DNAH11: variants seen among roughly 807,000 people sequenced by gnomAD.
The protein encoded by DNAH11 is axonemal beta dynein heavy chain 11.
DNAH11 carries 442 observed loss-of-function variants against 526.0 expected under a neutral mutation model. That is an observed-to-expected ratio of 0.84 (90% CI 0.78 to 0.91). The LOEUF is 0.91. Ranked by LOEUF, DNAH11 falls within the 40% of genes least tolerant of loss-of-function variation. The pLI is 0.00. For missense variants in DNAH11, 6,989 were observed against 5,448.7 expected (o/e 1.28, Z -8.90); for synonymous variants, 2,461 against 1,935.9 (o/e 1.27, Z -7.12).
intron 48 of DNAH11, among the ~76,000 whole-genome samples, chr7:21,740,097 G>A (rs1257965077): frequency 6.6e-6 from 1 of 152,128 alleles, no homozygotes; most frequent in Non-Finnish European, 1.5e-5. Context: ...GCTGTTAACA[G>A]TATCATATAG....
chr7:21,745,859 T>C (rs1404024611), intron 51 of DNAH11, among the ~76,000 whole-genome samples: 1 of 152,120 alleles, frequency 6.6e-6, no homozygotes, highest in Non-Finnish European at 1.5e-5. Flanking sequence ...ACCTGAATGA[T>C]AAGTAGGTGC....
rs574427839 is a variant in DNAH11 at position 21,707,773 on chromosome 7, T to A, written c.6621T>A (p.Ala2207=). 189 of 1,612,798 alleles carry A rather than the reference T, an allele frequency of 1.2e-4. 2 individuals are homozygous for A. In the South Asian group the frequency reaches 1.9e-3, roughly 17 times the overall value. ...KPVWNDLNPK[A]VTTDELFGFI... ...TTTGGAATGACTTAAACCCTAAAGC[T>A]GTGACAACAGATGAACTCTTTGGTT... Residue 2207 remains alanine (A), a synonymous_variant, in exon 40 of 82, where the codon GCT becomes GCA. Coordinates refer to ENST00000409508, the MANE Select transcript of DNAH11 (RefSeq NM_001277115.2).
intron 6 of DNAH11, among the ~76,000 whole-genome samples, chr7:21,566,351 T>C (rs1303122461): frequency 2.0e-5 from 3 of 152,144 alleles, no homozygotes; most frequent in Non-Finnish European, 2.9e-5. Context: ...GAACGGCAGA[T>C]TTCAGACTTT....
chr7:21,690,002 C>T (rs574323207), intron 34 of DNAH11, among the ~76,000 whole-genome samples: 9 of 152,350 alleles, frequency 5.9e-5, no homozygotes, highest in African/African-American at 1.9e-4. Flanking sequence ...CAACGCAAAT[C>T]TTTCACTGTT....
At chr7:21,631,371 A>C (rs1786600246) in intron 25 of DNAH11, among the ~76,000 whole-genome samples, 1 of 152,192 alleles carries the variant, frequency 6.6e-6, no homozygotes, top group Admixed American at 6.5e-5. Flanking sequence ...CCTTCCCAAC[A>C]GTCCCCGAAA....
At chr7:21,593,887 T>C (rs1880304) in intron 14 of DNAH11, among the ~76,000 whole-genome samples, 67,266 of 150,568 alleles carry the variant, frequency 0.45, 15,624 homozygotes, top group East Asian at 0.78. Context: ...CCCCTGCCCC[T>C]GCTCCCCCCA....
chr7:21,752,170 G>T (rs1167235514), intron 54 of DNAH11, among the ~76,000 whole-genome samples: 1 of 152,254 alleles, frequency 6.6e-6, no homozygotes, highest in African/African-American at 2.4e-5. Flanking sequence ...GCTAGAATGA[G>T]CATTGTTTGT....
chr7:21,693,072 C>T (rs1034089293), intron 35 of DNAH11, among the ~76,000 whole-genome samples: 1 of 152,046 alleles, frequency 6.6e-6, no homozygotes, highest in Non-Finnish European at 1.5e-5. Flanking sequence ...TTTCTTTTGT[C>T]CATCAAAGAT....
At chr7:21,798,517 A>G (rs1202580132) in intron 61 of DNAH11, among the ~76,000 whole-genome samples, 1 of 152,202 alleles carries the variant, frequency 6.6e-6, no homozygotes, top group Non-Finnish European at 1.5e-5. Context: ...CTTCTCAAAC[A>G]TCTATTTTGT....
intron 62 of DNAH11, among the ~76,000 whole-genome samples, chr7:21,801,628 T>C (rs1583710900): frequency 6.6e-6 from 1 of 152,348 alleles, no homozygotes; most frequent in East Asian, 1.9e-4. Flanking sequence ...TTCCTTTCTT[T>C]CTTACCACAT....
At chr7:21,889,633 T>C (rs1031774949) in intron 76 of DNAH11, among the ~76,000 whole-genome samples, 2 of 152,260 alleles carry the variant, frequency 1.3e-5, no homozygotes, top group Non-Finnish European at 2.9e-5. Flanking sequence ...TTGACTTGCA[T>C]GTCCCTGAAG....
At chr7:21,762,872 C>T (rs540004460) in intron 54 of DNAH11, among the ~76,000 whole-genome samples, 7 of 152,070 alleles carry the variant, frequency 4.6e-5, no homozygotes, top group Non-Finnish European at 1.0e-4. Context: ...GACAAGTGTA[C>T]TACATCAAAC....
intron 71 of DNAH11, 53 bp from the exon 72 acceptor site, chr7:21,867,804 ACT>A: frequency 6.6e-7 from 1 of 1,519,228 alleles, no homozygotes; most frequent in Non-Finnish European, 8.9e-7. Flanking sequence ...CCAAATGGTG[ACT>A]CTTTTCAAGG....
At chr7:21,863,032 C>G (rs1295168494) in intron 69 of DNAH11, among the ~76,000 whole-genome samples, 2 of 147,122 alleles carry the variant, frequency 1.4e-5, no homozygotes, top group Non-Finnish European at 3.0e-5. Flanking sequence ...CCACTGCACT[C>G]CAGCCTGGGC....
rs368383022 is a variant in DNAH11, at chr7:21,710,662, A to G, written c.6793A>G (p.Met2265Val). Reference sequence around the variant, plus strand: ...AGTCCTGGATGGCGATATTGACCCCATGTGGATTGAATCACTGAATACTGT... The same window carrying G: ...AGTCCTGGATGGCGATATTGACCCCGTGTGGATTGAATCACTGAATACTGT... ...WIVLDGDIDP[M>V]WIESLNTVMD... The change falls in exon 41 of 82, where the codon ATG (methionine) becomes GTG (valine). Residue 2265 changes from methionine to valine, a missense_variant. Met to Val is a conservative substitution (Grantham distance 21). Transcript: ENST00000409508. The G allele has an allele frequency of 2.5e-6, 4 of 1,613,106 alleles. No homozygotes were observed. Among genetic ancestry groups the G allele is most frequent in the African/African-American group, 2.7e-5 (2 of 74,916 alleles).
chr7:21,674,028 T>TTGTG (rs59263134), intron 30 of DNAH11, among the ~76,000 whole-genome samples: 1,723 of 137,356 alleles, frequency 0.013, 24 homozygotes, highest in East Asian at 0.045. Context: ...CTGTTTTGTT[T>TTGTG]TGTGTGTGTG....
At chr7:21,572,445 A>G (rs1260261501) in intron 8 of DNAH11, among the ~76,000 whole-genome samples, 1 of 152,056 alleles carries the variant, frequency 6.6e-6, no homozygotes, top group African/African-American at 2.4e-5. Context: ...CATATTTCCA[A>G]CCACAGGAAA....
chr7:21,617,091 T>C (rs1017337049), intron 22 of DNAH11, among the ~76,000 whole-genome samples: 1 of 152,192 alleles, frequency 6.6e-6, no homozygotes, highest in Non-Finnish European at 1.5e-5. Context: ...TTCTTATGGG[T>C]TTTCTCATTC....
intron 18 of DNAH11, among the ~76,000 whole-genome samples, chr7:21,605,531 CCTTT>C (rs1785246322): frequency 6.6e-6 from 1 of 152,154 alleles, no homozygotes; most frequent in African/African-American, 2.4e-5. Context: ...TAGGAATTAA[CCTTT>C]CTTCCCTTTG....
Sources: gnomAD v4.1 joint callset for allele counts (sites outside exome capture counted in the v4.1 genomes callset) on GRCh38, gnomAD v4.1.1 for gene constraint, MANE v1.5 for transcripts, NCBI Gene and HGNC (gene_info 2026-07-23, HGNC 2026-07-21) for gene names.